CDH13: variants seen among roughly 807,000 people sequenced by gnomAD.
CDH13 encodes the protein cadherin-13.
CDH13 carries 24 observed loss-of-function variants against 63.8 expected under a neutral mutation model. That is an observed-to-expected ratio of 0.38 (90% CI 0.27 to 0.53). The LOEUF (loss-of-function observed/expected upper bound fraction) is 0.53. Among genes scored for constraint, CDH13 ranks in the 20% least tolerant of loss-of-function variants. The pLI, the probability that CDH13 is intolerant of heterozygous loss-of-function variation, is 0.85. For missense variants in CDH13, 1,049 were observed against 903.1 expected (o/e 1.16, Z -2.07); for synonymous variants, 503 against 355.3 (o/e 1.42, Z -4.67).
At chr16:83,059,628 G>A (rs993033399) in intron 3 of CDH13, among the ~76,000 whole-genome samples, 1 of 152,094 alleles carries the variant, frequency 6.6e-6, no homozygotes, top group Non-Finnish European at 1.5e-5. Flanking sequence ...GCTGTTGCAT[G>A]ACAAGTCAGT....
intron 10 of CDH13, among the ~76,000 whole-genome samples, chr16:83,706,170 T>C (rs1005103114): frequency 2.0e-5 from 3 of 152,240 alleles, no homozygotes; most frequent in African/African-American, 4.8e-5. Flanking sequence ...TGTTGATTGC[T>C]GTCAGCCAGA....
Position 83,730,195 on chromosome 16 carries a change from G to A in CDH13, c.1539-17913G>A, listed in dbSNP as rs78759474. Among the ~76,000 whole-genome samples the A allele has an allele frequency of 3.8e-3, 572 of 152,208 alleles. 4 individuals carry two copies. Among genetic ancestry groups the A allele is most frequent in the African/African-American group, 0.013 (556 of 41,528 alleles). Reference sequence around the variant, plus strand: ...AAACATTGAAGGAGAAAATATAATTGTCGCTAAATATTTCAGCCAAATAAG... The same window carrying A: ...AAACATTGAAGGAGAAAATATAATTATCGCTAAATATTTCAGCCAAATAAG... On this transcript the variant is annotated intron_variant, in intron 10 of 13. Coordinates refer to ENST00000567109, the MANE Select transcript of CDH13 (RefSeq NM_001257.5).
intron 1 of CDH13, among the ~76,000 whole-genome samples, chr16:82,718,980 T>C (rs1016795840): frequency 2.0e-5 from 3 of 152,184 alleles, no homozygotes; most frequent in African/African-American, 7.2e-5. Context: ...TCCGTATCTG[T>C]TCTGGTTGAT....
intron 4 of CDH13, among the ~76,000 whole-genome samples, chr16:83,172,219 G>A (rs1010593504): frequency 2.0e-5 from 3 of 152,092 alleles, no homozygotes; most frequent in South Asian, 2.1e-4. Flanking sequence ...GGCCGGGTAC[G>A]GTGGCTCATG....
intron 6 of CDH13, among the ~76,000 whole-genome samples, chr16:83,351,707 G>A (rs2090955119): frequency 6.6e-6 from 1 of 152,140 alleles, no homozygotes; most frequent in East Asian, 1.9e-4. Flanking sequence ...CCATGTTTGT[G>A]ACAATTTCTA....
At chr16:83,730,062 G>A (rs948462934) in intron 10 of CDH13, among the ~76,000 whole-genome samples, 1 of 152,216 alleles carries the variant, frequency 6.6e-6, no homozygotes, top group African/African-American at 2.4e-5. Flanking sequence ...CTTCGTATGT[G>A]TTGTCATCTT....
At chr16:82,937,419 GCACACACACA>G (rs748594526) in intron 2 of CDH13, among the ~76,000 whole-genome samples, 2 of 149,112 alleles carry the variant, frequency 1.3e-5, no homozygotes, top group Non-Finnish European at 3.0e-5. Context: ...ACATACACAT[GCACACACACA>G]CACACACAGA....
intron 5 of CDH13, among the ~76,000 whole-genome samples, chr16:83,305,958 A>G (rs1481944430): frequency 6.6e-6 from 1 of 152,234 alleles, no homozygotes; most frequent in Non-Finnish European, 1.5e-5. Context: ...ATTCTAATCT[A>G]GAACAGGGTT....
chr16:82,766,761 C>T (rs957000760), intron 1 of CDH13, among the ~76,000 whole-genome samples: 2 of 152,052 alleles, frequency 1.3e-5, no homozygotes, highest in African/African-American at 2.4e-5. Flanking sequence ...CTCAGCATTC[C>T]TCGGTGCAAA....
At chr16:82,991,315 G>A (rs1303826928) in intron 2 of CDH13, among the ~76,000 whole-genome samples, 6 of 152,100 alleles carry the variant, frequency 3.9e-5, no homozygotes, top group Non-Finnish European at 5.9e-5. Flanking sequence ...CAAATTTAAG[G>A]TAAAAATCAA....
intron 3 of CDH13, among the ~76,000 whole-genome samples, chr16:83,054,078 G>C (rs551867360): frequency 6.6e-6 from 1 of 152,130 alleles, no homozygotes; most frequent in African/African-American, 2.4e-5. Flanking sequence ...TACTGTACGG[G>C]TTTATAGCCT....
chr16:83,147,145 T>C (rs965563092), intron 4 of CDH13, among the ~76,000 whole-genome samples: 1 of 152,158 alleles, frequency 6.6e-6, no homozygotes, highest in African/African-American at 2.4e-5. Flanking sequence ...TAGTGTAACA[T>C]GATTTTTGAG....
intron 4 of CDH13, among the ~76,000 whole-genome samples, chr16:83,167,957 C>T (rs1416923415): frequency 2.0e-5 from 3 of 151,978 alleles, no homozygotes; most frequent in Non-Finnish European, 4.4e-5. Context: ...AACAGAAAAC[C>T]AAATACCACA....
chr16:82,846,525 C>A (rs532253125), intron 1 of CDH13, among the ~76,000 whole-genome samples: 2 of 152,190 alleles, frequency 1.3e-5, no homozygotes, highest in African/African-American at 4.8e-5. Flanking sequence ...GAAACTAAGG[C>A]AAAGAGAATT....
intron 2 of CDH13, among the ~76,000 whole-genome samples, chr16:83,014,756 A>ATATATATATATATATATGTG (rs1914539221): frequency 4.3e-5 from 2 of 46,218 alleles, no homozygotes; most frequent in African/African-American, 7.3e-5. Context: ...ATATATATAT[A>ATATATATATATATATATGTG]TATATATATA....
At chr16:83,121,127 T>A (rs1397412360) in intron 3 of CDH13, among the ~76,000 whole-genome samples, 1 of 152,212 alleles carries the variant, frequency 6.6e-6, no homozygotes, top group Non-Finnish European at 1.5e-5. Context: ...CGTTTTGTTA[T>A]ATTATTCTTG....
At chr16:83,357,673 A>T (rs943081663) in intron 6 of CDH13, among the ~76,000 whole-genome samples, 1 of 152,200 alleles carries the variant, frequency 6.6e-6, no homozygotes, top group African/African-American at 2.4e-5. Context: ...ACATACGTCA[A>T]TGCATAGAAC....
At chr16:83,012,672 G>T (rs1329115745) in intron 2 of CDH13, among the ~76,000 whole-genome samples, 2 of 152,122 alleles carry the variant, frequency 1.3e-5, no homozygotes, top group South Asian at 2.1e-4. Context: ...ATCTAAGCAT[G>T]ATTCCCAGCT....
intron 1 of CDH13, among the ~76,000 whole-genome samples, chr16:82,810,440 C>G (rs2169450): frequency 0.16 from 25,028 of 152,076 alleles, 2,850 homozygotes; most frequent in East Asian, 0.62. Flanking sequence ...TAATCGTCTC[C>G]TCAATAATTC....
Sources: gnomAD v4.1 joint callset for allele counts (sites outside exome capture counted in the v4.1 genomes callset) on GRCh38, gnomAD v4.1.1 for gene constraint, MANE v1.5 for transcripts, NCBI Gene and HGNC (gene_info 2026-07-23, HGNC 2026-07-21) for gene names.